Variants in LRRN2 observed in about 807,000 individuals in gnomAD.
The protein encoded by LRRN2 is leucine rich repeat neuronal 2.
LRRN2 carries 10 observed loss-of-function variants against 35.7 expected under a neutral mutation model. The observed-to-expected ratio is 0.28, with a 90% CI of 0.17 to 0.47. The LOEUF (loss-of-function observed/expected upper bound fraction) is 0.47. LRRN2 is among the 20% of genes least tolerant of loss of function. LRRN2 has a pLI of 0.99. For missense variants in LRRN2, 731 were observed against 940.3 expected, an observed-to-expected ratio of 0.78 and a Z score of 2.91; for synonymous variants, 391 against 409.6, an observed-to-expected ratio of 0.95 and a Z score of 0.55.
intron 1 of LRRN2, among the ~76,000 whole-genome samples, chr1:204,662,228 G>C (rs760769259): frequency 2.0e-5 from 3 of 152,188 alleles, no homozygotes; most frequent in Non-Finnish European, 2.9e-5. Flanking sequence ...CTGAGCATTT[G>C]AAAATGTGGG....
intron 1 of LRRN2, among the ~76,000 whole-genome samples, chr1:204,677,704 A>G (rs1468730588): frequency 1.3e-5 from 2 of 152,178 alleles, no homozygotes; most frequent in Non-Finnish European, 2.9e-5. Flanking sequence ...CAGACCTGGG[A>G]CAACGGCCGG....
At position 204,676,770 on chromosome 1, in the gene LRRN2, T is replaced by A. The variant is rs543952415; in HGVS notation, c.-227+8550A>T. 2.6e-5 allele frequency among the ~76,000 whole-genome samples: 4 copies of A among 152,220 alleles called. No individual in the cohort carries two copies. In the East Asian group the frequency reaches 7.7e-4, roughly 29 times the overall value. On this transcript the variant is annotated intron_variant, in intron 1 of 1. Coordinates refer to ENST00000367177, the MANE Select transcript of LRRN2 (RefSeq NM_201630.2). ...ACCCTATTCTCTAGAGGAGTGGCCC[T>A]GGGGAAATTGAGAAAAGGAACTAAC...
intron 1 of LRRN2, among the ~76,000 whole-genome samples, chr1:204,650,869 T>C (rs1424328669): frequency 6.6e-6 from 1 of 152,068 alleles, no homozygotes; most frequent in Non-Finnish European, 1.5e-5. Context: ...TGGTAGGGGC[T>C]CGGAAGGAAT....
chr1:204,683,850 T>C (rs568802475), intron 1 of LRRN2, among the ~76,000 whole-genome samples: 16 of 152,328 alleles, frequency 1.1e-4, no homozygotes, highest in African/African-American at 3.8e-4. Context: ...TTCCATCGTT[T>C]CGCCACAACA....
chr1:204,663,213 C>G (rs1439964492), intron 1 of LRRN2, among the ~76,000 whole-genome samples: 1 of 152,188 alleles, frequency 6.6e-6, no homozygotes, highest in African/African-American at 2.4e-5. Flanking sequence ...CATGGCTCCT[C>G]TGGCAGAAAG....
chr1:204,620,236 A>G lies in LRRN2; in HGVS notation c.-226-18T>C, dbSNP rs978292345. 1.0e-4 allele frequency: 148 copies of G among 1,424,230 alleles called. No homozygotes were observed. Among genetic ancestry groups the G allele is most frequent in the Non-Finnish European group, 9.7e-5 (105 of 1,085,930 alleles). 88.2% of individuals were successfully genotyped at this position (1,424,230 alleles called of 1,614,324 possible). A position where few individuals can be genotyped will look rare whatever the true frequency, so the allele number is the denominator to read the frequency against. On this transcript the variant is annotated intron_variant, in intron 1 of 1. Coordinates refer to ENST00000367177, the MANE Select transcript of LRRN2 (RefSeq NM_201630.2). ...GGGCAGCCCTGGAAGAAGAGGATGC[A>G]GAGTTAAGGAGGTTGCAGAGAAGCA...
chr1:204,676,072 A>G (rs543890526), intron 1 of LRRN2, among the ~76,000 whole-genome samples: 1 of 152,176 alleles, frequency 6.6e-6, no homozygotes, highest in Admixed American at 6.5e-5. Flanking sequence ...TTCCCTATAT[A>G]CCCTGAAATT....
intron 1 of LRRN2, among the ~76,000 whole-genome samples, chr1:204,670,728 C>CA (rs34945535): frequency 0.62 from 92,529 of 148,420 alleles, 31,741 homozygotes; most frequent in Non-Finnish European, 0.77. Context: ...AAGAAAGTGT[C>CA]AAAAAAAAAA....
At chr1:204,649,825 C>T (rs1305424613) in intron 1 of LRRN2, among the ~76,000 whole-genome samples, 1 of 152,112 alleles carries the variant, frequency 6.6e-6, no homozygotes, top group Non-Finnish European at 1.5e-5. Flanking sequence ...CCCACCATGG[C>T]AGTAGGGGGT....
intron 1 of LRRN2, among the ~76,000 whole-genome samples, chr1:204,673,178 G>A (rs974971377): frequency 1.3e-5 from 2 of 152,118 alleles, no homozygotes; most frequent in African/African-American, 4.8e-5. Context: ...TTTGTGCACA[G>A]TAGATGTTCA....
At chr1:204,646,211 C>T (rs76047222) in intron 1 of LRRN2, among the ~76,000 whole-genome samples, 426 of 152,206 alleles carry the variant, frequency 2.8e-3, no homozygotes, top group African/African-American at 9.6e-3. Flanking sequence ...ACCAGGCTGC[C>T]TGGACTGAAC....
At chr1:204,652,709 C>A (rs1668262842) in intron 1 of LRRN2, among the ~76,000 whole-genome samples, 1 of 152,200 alleles carries the variant, frequency 6.6e-6, no homozygotes, top group African/African-American at 2.4e-5. Context: ...GCCCACGAAT[C>A]ACCCAGAGAG....
chr1:204,642,133 G>A (rs776951627), intron 1 of LRRN2, among the ~76,000 whole-genome samples: 1 of 152,210 alleles, frequency 6.6e-6, no homozygotes, highest in Non-Finnish European at 1.5e-5. Flanking sequence ...AGGCCCAGAT[G>A]GTGCCAGCTC....
At chr1:204,683,746 CAG>C (rs1209411469) in intron 1 of LRRN2, among the ~76,000 whole-genome samples, 1 of 152,144 alleles carries the variant, frequency 6.6e-6, no homozygotes, top group Non-Finnish European at 1.5e-5. Context: ...ATCCCAGGAC[CAG>C]AGAGAGCCCT....
At chr1:204,663,714 T>A (rs1668516183) in intron 1 of LRRN2, among the ~76,000 whole-genome samples, 1 of 152,106 alleles carries the variant, frequency 6.6e-6, no homozygotes, top group Non-Finnish European at 1.5e-5. Context: ...GCTTGTTGTG[T>A]CTGTTTGTGT....
At chr1:204,629,669 C>A (rs183475854) in intron 1 of LRRN2, 79 of 173,864 alleles carry the variant, frequency 4.5e-4, no homozygotes, top group Non-Finnish European at 7.2e-4. Flanking sequence ...GCCTCCCCAG[C>A]CATGTGGAAC....
chr1:204,653,639 T>A (rs2102611610), intron 1 of LRRN2, among the ~76,000 whole-genome samples: 1 of 152,186 alleles, frequency 6.6e-6, no homozygotes, highest in East Asian at 1.9e-4. Flanking sequence ...GGCAGGAGGA[T>A]CACTTGAGAC....
At chr1:204,676,547 C>T (rs1451567185) in intron 1 of LRRN2, among the ~76,000 whole-genome samples, 1 of 152,128 alleles carries the variant, frequency 6.6e-6, no homozygotes, top group African/African-American at 2.4e-5. Context: ...GCTTGGGACC[C>T]AGTGGGGCTC....
At position 204,619,675 on chromosome 1, in the gene LRRN2, C is replaced by A. The variant is rs996683512; in HGVS notation, c.318G>T (p.Ser106=). The A allele has an allele frequency of 6.2e-7, 1 of 1,614,056 alleles. No homozygotes were observed. The highest frequency in any genetic ancestry group is 1.1e-5 in the South Asian group (1 of 91,086). Residue 106 remains serine, a synonymous_variant, in exon 2 of 2, where the codon TCG becomes TCT. Coordinates refer to ENST00000367177, the MANE Select transcript of LRRN2 (RefSeq NM_201630.2). ...CATGGAAATCACAGTCTCGGGCATCCGAAAAGCTGTTCTGGGACAGGTCCA... is the reference window on the plus strand; with the variant it reads ...CATGGAAATCACAGTCTCGGGCATCAGAAAAGCTGTTCTGGGACAGGTCCA... ...TELDLSQNSF[S]DARDCDFHAL...
Sources: gnomAD v4.1 joint callset for allele counts (sites outside exome capture counted in the v4.1 genomes callset) on GRCh38, gnomAD v4.1.1 for gene constraint, MANE v1.5 for transcripts, NCBI Gene and HGNC (gene_info 2026-07-23, HGNC 2026-07-21) for gene names.